EREG: variants seen among roughly 807,000 people sequenced by gnomAD.
EREG encodes proepiregulin.
EREG carries 23 observed loss-of-function variants against 22.4 expected under a neutral mutation model. The observed-to-expected ratio is 1.03, with a 90% CI of 0.74 to 1.46. The LOEUF is 1.46. Among genes scored for constraint, EREG ranks in the 40% most tolerant of loss-of-function variants. The pLI is 0.00. For missense variants in EREG, 226 were observed against 205.9 expected (o/e 1.10, Z -0.60); for synonymous variants, 100 against 75.4 (o/e 1.33, Z -1.69).
intron 1 of EREG, among the ~76,000 whole-genome samples, chr4:74,366,099 T>C (rs1752176326): frequency 6.6e-6 from 1 of 152,102 alleles, no homozygotes; most frequent in African/African-American, 2.4e-5. Context: ...TCGCTGAGGG[T>C]ATTTAAATGC....
chr4:74,386,073 T>C lies in EREG; in HGVS notation c.*1265T>C. The C allele has an allele frequency of 2.9e-6, 1 of 340,038 alleles. No homozygotes were observed. The highest frequency in any genetic ancestry group is 5.3e-6 in the Non-Finnish European group (1 of 188,842). 21.1% of individuals were successfully genotyped at this position (340,038 alleles called of 1,614,324 possible). A position where few individuals can be genotyped will look rare whatever the true frequency, so the allele number is the denominator to read the frequency against. ...GTTTATTTTTTGGAAGAGACAAAGATTTCTTCTGCACTCTGAGCCCATAGG... is the reference window on the plus strand; with the variant it reads ...GTTTATTTTTTGGAAGAGACAAAGACTTCTTCTGCACTCTGAGCCCATAGG... On this transcript the variant is annotated 3_prime_UTR_variant, in exon 5 of 5. Coordinates refer to ENST00000244869, the MANE Select transcript of EREG (RefSeq NM_001432.3).
chr4:74,372,299 A>G (rs1752304152), intron 1 of EREG, among the ~76,000 whole-genome samples: 1 of 152,152 alleles, frequency 6.6e-6, no homozygotes, highest in Admixed American at 6.5e-5. Context: ...AAAGTAATTA[A>G]TTTCGAGTCT....
chr4:74,386,085 T>G lies in EREG; in HGVS notation c.*1277T>G. ...GAAGAGACAAAGATTTCTTCTGCAC[T>G]CTGAGCCCATAGGTCTCAGAGAGTT... On this transcript the variant is annotated 3_prime_UTR_variant, in exon 5 of 5. Transcript: ENST00000244869. 1 of 329,776 alleles carries G rather than the reference T, an allele frequency of 3.0e-6. No homozygotes were observed. Among genetic ancestry groups the G allele is most frequent in the Middle Eastern group, 7.9e-4 (1 of 1,258 alleles). The allele number at this position is 329,776 out of a possible 1,614,324, so 20.4% of individuals were successfully genotyped here. A position where few individuals can be genotyped will look rare whatever the true frequency, so the allele number is the denominator to read the frequency against.
At position 74,387,830 on chromosome 4, in the gene EREG, A is replaced by G. The variant is rs1752597429; in HGVS notation, c.*3022A>G. Reference sequence around the variant, plus strand: ...TTCAACCAAGGCCACATAATAACCCAGTTAACTTACTCTTTAACCAGGAAT... The same window carrying G: ...TTCAACCAAGGCCACATAATAACCCGGTTAACTTACTCTTTAACCAGGAAT... On this transcript the variant is annotated 3_prime_UTR_variant, in exon 5 of 5. Transcript: ENST00000244869. 6.6e-6 allele frequency: 1 copy of G among 152,256 alleles called. No homozygotes were observed. The allele number at this position is 152,256 out of a possible 1,614,324, so 9.4% of individuals were successfully genotyped here.
intron 2 of EREG, among the ~76,000 whole-genome samples, chr4:74,380,414 C>G (rs1028374414): frequency 2.6e-5 from 4 of 152,074 alleles, no homozygotes; most frequent in Admixed American, 6.5e-5. Flanking sequence ...ATTTTCATTG[C>G]TGTTATTTGT....
At position 74,365,176 on chromosome 4, in the gene EREG, A is replaced by T; in HGVS notation, c.-133A>T. 1.5e-6 allele frequency: 1 copy of T among 678,260 alleles called. No homozygotes were observed. The highest frequency in any genetic ancestry group is 1.7e-5 in the South Asian group (1 of 59,362). 42.0% of individuals were successfully genotyped at this position (678,260 alleles called of 1,614,324 possible). On this transcript the variant is annotated 5_prime_UTR_variant, in exon 1 of 5. Coordinates refer to ENST00000244869, the MANE Select transcript of EREG (RefSeq NM_001432.3). Reference sequence around the variant, plus strand: ...CTGATATTTCCAGTGTCAGAGGGACACAGCCAACGTGGGGTCCCTTCTAGG... The same window carrying T: ...CTGATATTTCCAGTGTCAGAGGGACTCAGCCAACGTGGGGTCCCTTCTAGG...
intron 1 of EREG, among the ~76,000 whole-genome samples, chr4:74,375,464 G>T (rs1752364721): frequency 6.7e-6 from 1 of 149,384 alleles, no homozygotes; most frequent in African/African-American, 2.5e-5. Context: ...GACTACAGGC[G>T]CCCGCCACCA....
intron 1 of EREG, 107 bp downstream of exon 1, chr4:74,365,482 T>C (rs1752161445): frequency 1.1e-6 from 1 of 930,092 alleles, no homozygotes; most frequent in Non-Finnish European, 1.6e-6. Context: ...CAGGTTCAAG[T>C]GTGCTCTATT....
intron 1 of EREG, 107 bp downstream of exon 1, chr4:74,365,482 T>A: frequency 1.1e-6 from 1 of 930,206 alleles, no homozygotes; most frequent in Middle Eastern, 2.2e-4. Context: ...CAGGTTCAAG[T>A]GTGCTCTATT....
chr4:74,382,316 GACAA>G (rs971755699), intron 3 of EREG: 5 of 189,090 alleles, frequency 2.6e-5, no homozygotes, highest in East Asian at 1.3e-4. Context: ...AAACCAAACA[GACAA>G]ACAAACAAAA....
At chr4:74,370,614 T>G (rs972234038) in intron 1 of EREG, among the ~76,000 whole-genome samples, 12 of 151,802 alleles carry the variant, frequency 7.9e-5, no homozygotes, top group African/African-American at 2.7e-4. Flanking sequence ...GATATTTGTG[T>G]GTGTGTGTGT....
At chr4:74,376,815 T>A (rs1340407702) in intron 1 of EREG, among the ~76,000 whole-genome samples, 2 of 152,180 alleles carry the variant, frequency 1.3e-5, no homozygotes, top group African/African-American at 4.8e-5. Context: ...GACAAGACAT[T>A]TAATTTAAAT....
rs1054779192 is a variant in EREG, at chr4:74,387,647, A to G, written c.*2839A>G. 2.0e-5 allele frequency: 3 copies of G among 152,152 alleles called. No individual in the cohort carries two copies. The highest frequency in any genetic ancestry group is 4.4e-5 in the Non-Finnish European group (3 of 68,018). The allele number at this position is 152,152 out of a possible 1,614,324, so 9.4% of individuals were successfully genotyped here. A position where few individuals can be genotyped will look rare whatever the true frequency, so the allele number is the denominator to read the frequency against. On this transcript the variant is annotated 3_prime_UTR_variant, in exon 5 of 5. Coordinates refer to ENST00000244869, the MANE Select transcript of EREG (RefSeq NM_001432.3). The stretch of plus-strand genomic sequence containing the variant: ...ATAAAAACTGATTTGCTCTCAGCTG[A>G]TGTGTCCTGTACACAGTGGGAAGAT...
intron 1 of EREG, among the ~76,000 whole-genome samples, chr4:74,371,965 T>C (rs959389729): frequency 3.3e-5 from 5 of 152,142 alleles, no homozygotes; most frequent in Non-Finnish European, 5.9e-5. Context: ...AGGAACAATG[T>C]CTTTTGTACC....
chr4:74,384,126 C>T (rs1001756993), intron 4 of EREG, among the ~76,000 whole-genome samples: 2 of 152,136 alleles, frequency 1.3e-5, no homozygotes, highest in South Asian at 4.2e-4. Context: ...TCTATGAATC[C>T]TAGCTATGAG....
chr4:74,379,345 G>T (rs1034181624), intron 1 of EREG, 103 bp from the exon 2 acceptor site: 2 of 693,498 alleles, frequency 2.9e-6, no homozygotes, highest in Non-Finnish European at 5.1e-6. Context: ...GACCAAATCT[G>T]TGAAACAAAA....
intron 1 of EREG, among the ~76,000 whole-genome samples, chr4:74,378,984 G>A (rs2110387759): frequency 6.6e-6 from 1 of 152,260 alleles, no homozygotes; most frequent in Non-Finnish European, 1.5e-5. Flanking sequence ...AGTAACTTAG[G>A]TACATAAATC....
chr4:74,377,158 GAAAAA>G (rs57339854), intron 1 of EREG, among the ~76,000 whole-genome samples: 1 of 78,078 alleles, frequency 1.3e-5, no homozygotes, highest in East Asian at 3.4e-4. Context: ...AGCCATTTCA[GAAAAA>G]AAAAAAAAAA....
At chr4:74,371,962 A>C (rs773406525) in intron 1 of EREG, among the ~76,000 whole-genome samples, 63 of 151,990 alleles carry the variant, frequency 4.1e-4, no homozygotes, top group Admixed American at 1.0e-3. Flanking sequence ...GGCAGGAACA[A>C]TGTCTTTTGT....
Sources: allele counts gnomAD v4.1 joint callset (sites outside exome capture counted in the v4.1 genomes callset), GRCh38; gene constraint gnomAD v4.1.1; transcripts MANE v1.5; gene names NCBI Gene and HGNC (gene_info 2026-07-23, HGNC 2026-07-21).